Variants in PLEKHG4B observed in about 807,000 individuals in gnomAD.
PLEKHG4B encodes the protein pleckstrin homology domain-containing family G member 4B.
PLEKHG4B carries 111 observed loss-of-function variants against 121.3 expected under a neutral mutation model. The observed-to-expected ratio is 0.92, with a 90% CI of 0.78 to 1.07. The LOEUF (loss-of-function observed/expected upper bound fraction) is 1.07, where lower values mean the gene tolerates loss of function less well. Among genes scored for constraint, PLEKHG4B ranks in the 50% least tolerant of loss-of-function variants. The probability of loss-of-function intolerance (pLI) is 0.00; values close to 1 mark genes in which losing one functional copy is unlikely to be tolerated. For synonymous variants in PLEKHG4B, 738 were observed against 725.0 expected, an observed-to-expected ratio of 1.02 and a Z score of -0.29; for missense variants, 1,831 against 1,757.8, an observed-to-expected ratio of 1.04 and a Z score of -0.74.
Position 140,144 on chromosome 5 carries a change from C to T in PLEKHG4B, c.905C>T (p.Pro302Leu). The part of the protein sequence containing the change: ...SPSEQGPRMP[P>L]ENCGGSGERP... ...TCAGAGCAGGGCCCACGGATGCCCC[C>T]TGAGAACTGTGGGGGGTCGGGGGAG... is the stretch of plus-strand genomic sequence containing the variant. Residue 302 changes from proline to leucine, a missense_variant, in exon 3 of 20, where the codon CCT becomes CTT. Physicochemically the swap from Pro to Leu is moderately conservative, Grantham distance 98. Transcript: ENST00000637938. 1 of 692,924 alleles carries T rather than the reference C, an allele frequency of 1.4e-6. No homozygotes were observed. The highest frequency in any genetic ancestry group is 2.2e-5 in the South Asian group (1 of 46,372). The allele number at this position is 692,924 out of a possible 1,614,324, so 42.9% of individuals were successfully genotyped here.
In PLEKHG4B at chr5:189,025, A is replaced by G. The variant is rs1733712352; in HGVS notation, c.*6702A>G. The G allele has an allele frequency of 6.6e-6, 1 of 152,276 alleles. No homozygotes were observed. Among genetic ancestry groups the G allele is most frequent in the African/African-American group, 2.4e-5 (1 of 41,466 alleles). 9.4% of individuals were successfully genotyped at this position (152,276 alleles called of 1,614,324 possible). ...GGGAGTGCCCCAGTCCTCGAGAGCC[A>G]GACTTGTGCACGGGCCTGGAAATGA... is the stretch of plus-strand genomic sequence containing the variant. On this transcript the variant is annotated 3_prime_UTR_variant, in exon 20 of 20. Coordinates refer to ENST00000637938, the MANE Select transcript of PLEKHG4B (RefSeq NM_052909.5).
intron 2 of PLEKHG4B, among the ~76,000 whole-genome samples, chr5:118,272 G>C (rs1324382939): frequency 5.9e-5 from 9 of 152,180 alleles, no homozygotes; most frequent in Admixed American, 5.9e-4. Flanking sequence ...GAGAAATCCA[G>C]AATTACCGTA....
rs201970833 is a variant in PLEKHG4B at position 169,298 on chromosome 5, C to T, written c.3477-42C>T. ...CATGAATTGCTTTTAATAAAGTGTC[C>T]GTGGGGGGCCGTGTGCCCCCCGGGA... On this transcript the variant is annotated intron_variant, in intron 13 of 19. Coordinates refer to ENST00000637938, the MANE Select transcript of PLEKHG4B (RefSeq NM_052909.5). 1.4e-4 allele frequency: 223 copies of T among 1,607,382 alleles called. 1 individual carries two copies. The East Asian group carries it at 4.2e-3, about 30-fold the overall frequency.
In PLEKHG4B at chr5:137,813, G is replaced by A. The variant is rs1245066623; in HGVS notation, c.244-1670G>A. Among the ~76,000 whole-genome samples, 1 of 152,244 alleles carries A rather than the reference G, an allele frequency of 6.6e-6. No homozygotes were observed. The highest frequency in any genetic ancestry group is 1.5e-5 in the Non-Finnish European group (1 of 68,048). On this transcript the variant is annotated intron_variant, in intron 2 of 19. Coordinates refer to ENST00000637938, the MANE Select transcript of PLEKHG4B (RefSeq NM_052909.5). The surrounding 1 kb of genome is among the most constrained non-coding windows in gnomAD (Gnocchi z 4.2). ...ATAGGATCGGGGACGGACTCTGGGGGCCAGGCTCGGGGAGGCCCTTATGGA... is the reference window on the plus strand; with the variant it reads ...ATAGGATCGGGGACGGACTCTGGGGACCAGGCTCGGGGAGGCCCTTATGGA...
intron 1 of PLEKHG4B, among the ~76,000 whole-genome samples, chr5:95,904 G>T (rs1258192214): frequency 6.6e-6 from 1 of 152,122 alleles, no homozygotes; most frequent in Non-Finnish European, 1.5e-5. Flanking sequence ...GTCTGCTGGT[G>T]GTGATGACCC....
In PLEKHG4B at chr5:154,938, G is replaced by C. The variant is rs1735722441; in HGVS notation, c.2056G>C (p.Asp686His). Residue 686 changes from aspartate (D) to histidine (H), a missense_variant, in exon 8 of 20, where the codon GAC (aspartate) becomes CAC (histidine). Physicochemically the swap from Asp to His is moderately conservative, Grantham distance 81. Transcript: ENST00000637938. ...TGTTGACAGCTGCCAGCTGACCGCA[G>C]ACCTCGACGGCTCCTTTCCCTACAG... Reference protein sequence around the residue: ...KFVDSCQLTADLDGSFPYSHG... With the variant: ...KFVDSCQLTAHLDGSFPYSHG... 1 of 1,613,628 alleles carries C rather than the reference G, an allele frequency of 6.2e-7. No individual in the cohort carries two copies. The highest frequency in any genetic ancestry group is 1.1e-5 in the South Asian group (1 of 91,078).
chr5:146,736 CT>C (rs1579288447), intron 6 of PLEKHG4B, among the ~76,000 whole-genome samples: 1 of 145,878 alleles, frequency 6.9e-6, no homozygotes, highest in Non-Finnish European at 1.5e-5. Context: ...TTCCTCTCCC[CT>C]GGCCCTACAG....
chr5:148,178 A>G (rs1735486554), intron 6 of PLEKHG4B, among the ~76,000 whole-genome samples: 1 of 152,060 alleles, frequency 6.6e-6, no homozygotes, highest in South Asian at 2.1e-4. Context: ...CAAGGCAATA[A>G]TGCCCACTTC....
chr5:154,861 C>T lies in PLEKHG4B; in HGVS notation c.1993-14C>T. 1 of 1,604,592 alleles carries T rather than the reference C, an allele frequency of 6.2e-7. No individual in the cohort carries two copies. Among genetic ancestry groups the T allele is most frequent in the Non-Finnish European group, 8.5e-7 (1 of 1,171,862 alleles). On this transcript the variant is annotated splice_polypyrimidine_tract_variant and intron_variant, in intron 7 of 19. Coordinates refer to ENST00000637938, the MANE Select transcript of PLEKHG4B (RefSeq NM_052909.5). ...CATCTGGAGCCATGACCAACGAGTG[C>T]CTCTTCTTGGCAGTGTGAGGTCGTG...
intron 18 of PLEKHG4B, among the ~76,000 whole-genome samples, chr5:175,516 C>T (rs551792876): frequency 6.6e-6 from 1 of 152,296 alleles, no homozygotes; most frequent in East Asian, 1.9e-4. Flanking sequence ...CCCTACAAGC[C>T]CACCCTGGCA....
intron 6 of PLEKHG4B, among the ~76,000 whole-genome samples, chr5:149,627 TAGG>T (rs1371190560): frequency 6.6e-6 from 1 of 152,176 alleles, no homozygotes; most frequent in East Asian, 1.9e-4. Context: ...ATGTATCTGA[TAGG>T]AGGTTAATAT....
intron 7 of PLEKHG4B, among the ~76,000 whole-genome samples, chr5:152,002 G>GT (rs1446641270): frequency 1.3e-5 from 2 of 152,186 alleles, no homozygotes; most frequent in Non-Finnish European, 2.9e-5. Context: ...TAGAAGAAAA[G>GT]TTCATCATAA....
Position 166,826 on chromosome 5 carries a change from A to G in PLEKHG4B, c.3477-2514A>G, listed in dbSNP as rs571959293. Among the ~76,000 whole-genome samples the G allele has an allele frequency of 2.6e-5, 4 of 152,350 alleles. No individual in the cohort carries two copies. The South Asian group carries it at 8.3e-4, about 32-fold the overall frequency. On this transcript the variant is annotated intron_variant, in intron 13 of 19. Coordinates refer to ENST00000637938, the MANE Select transcript of PLEKHG4B (RefSeq NM_052909.5). ...AACACACCTTTAGGTTGCCAGACTCAGTGTTTACCTTGTTAAAGGCAAAGC... is the reference window on the plus strand; with the variant it reads ...AACACACCTTTAGGTTGCCAGACTCGGTGTTTACCTTGTTAAAGGCAAAGC...
chr5:113,381 T>C lies in PLEKHG4B; in HGVS notation c.176T>C (p.Leu59Pro). ...GAGAGGTGCCACGGTGGGGACGGGC[T>C]GCACTGCCTCACCAGCTTCCTCCTC... The part of the protein sequence containing the change: ...VAERCHGGDG[L>P]HCLTSFLLPA... The change falls in exon 2 of 20, where the codon CTG becomes CCG. Residue 59 changes from leucine to proline, a missense_variant. By Grantham distance (98) the Leu-to-Pro change is moderately conservative. Transcript: ENST00000637938. This position sits in a 1 kb window ranked among gnomAD's most constrained non-coding sequence, Gnocchi z 5.2. The C allele has an allele frequency of 2.5e-6, 1 of 399,176 alleles. No individual in the cohort carries two copies. Among genetic ancestry groups the C allele is most frequent in the South Asian group, 1.3e-4 (1 of 7,850 alleles). 24.7% of individuals were successfully genotyped at this position (399,176 alleles called of 1,614,324 possible).
chr5:118,501 A>G (rs571167152), intron 2 of PLEKHG4B, among the ~76,000 whole-genome samples: 2 of 152,336 alleles, frequency 1.3e-5, no homozygotes, highest in South Asian at 2.1e-4. Flanking sequence ...TCAAGGGTGT[A>G]TGATCTCTTT....
intron 13 of PLEKHG4B, chr5:169,109 C>G: frequency 5.4e-6 from 3 of 554,466 alleles, no homozygotes; most frequent in Non-Finnish European, 9.6e-6. Flanking sequence ...CTCTTGACCT[C>G]GTGATCTACC....
chr5:160,652 G>T (rs1735967614), intron 11 of PLEKHG4B, among the ~76,000 whole-genome samples: 1 of 152,040 alleles, frequency 6.6e-6, no homozygotes, highest in East Asian at 1.9e-4. Flanking sequence ...TTTGTCATTT[G>T]CCCTCTAGCT....
rs1404805501 is a variant in PLEKHG4B, at chr5:157,407, G to C, written c.2487+496G>C. On this transcript the variant is annotated intron_variant, in intron 11 of 19. Coordinates refer to ENST00000637938, the MANE Select transcript of PLEKHG4B (RefSeq NM_052909.5). The surrounding 1 kb of genome is among the most constrained non-coding windows in gnomAD (Gnocchi z 4.6). ...AGAAAAGAGGACAAATCGGGAGGGGGTGATGACGGAAGTGGCTTTTCATGA... is the reference window on the plus strand; with the variant it reads ...AGAAAAGAGGACAAATCGGGAGGGGCTGATGACGGAAGTGGCTTTTCATGA... Among the ~76,000 whole-genome samples, 1 of 152,156 alleles carries C rather than the reference G, an allele frequency of 6.6e-6. No individual in the cohort carries two copies. Among genetic ancestry groups the C allele is most frequent in the African/African-American group, 2.4e-5 (1 of 41,442 alleles).
chr5:147,206 C>T (rs894587082), intron 6 of PLEKHG4B, among the ~76,000 whole-genome samples: 86 of 152,224 alleles, frequency 5.6e-4, no homozygotes, highest in African/African-American at 1.9e-3. Context: ...ACCAGCTAGG[C>T]TAGACAGGAG....
Sources: allele counts gnomAD v4.1 joint callset (sites outside exome capture counted in the v4.1 genomes callset), GRCh38; gene constraint gnomAD v4.1.1; non-coding constraint Gnocchi (gnomAD v3.1); transcripts MANE v1.5; gene names NCBI Gene and HGNC (gene_info 2026-07-23, HGNC 2026-07-21).